The following CSMD1 variants were observed in gnomAD, a reference collection of about 807,000 sequenced individuals.
CSMD1 encodes CUB and sushi domain-containing protein 1.
A neutral mutation model predicts 417.5 loss-of-function variants in CSMD1; 213 were observed. That is an observed-to-expected ratio of 0.51 (90% CI 0.46 to 0.57). The LOEUF is 0.57. CSMD1 is among the 20% of genes least tolerant of loss of function. The pLI is 0.00. For missense variants in CSMD1, 6,923 were observed against 4,529.7 expected (o/e 1.53, Z -15.17); for synonymous variants, 2,862 against 1,736.8 (o/e 1.65, Z -16.11).
chr8:3,716,306 T>C (rs1161774253), intron 6 of CSMD1, among the ~76,000 whole-genome samples: 2 of 152,220 alleles, frequency 1.3e-5, no homozygotes, highest in East Asian at 3.9e-4. Flanking sequence ...CAGACTAAAG[T>C]GAAAGCAAGT....
chr8:3,545,571 T>C (rs1798623551), intron 10 of CSMD1, among the ~76,000 whole-genome samples: 1 of 150,982 alleles, frequency 6.6e-6, no homozygotes, highest in Admixed American at 6.6e-5. Flanking sequence ...ATGAATCCTG[T>C]CTTTACCATG....
chr8:4,874,005 G>C (rs1404811631), intron 1 of CSMD1, among the ~76,000 whole-genome samples: 1 of 152,074 alleles, frequency 6.6e-6, no homozygotes, highest in African/African-American at 2.4e-5. Flanking sequence ...CACTATATGT[G>C]TTGTAATCGC....
chr8:3,255,895 C>A (rs1046685794), intron 26 of CSMD1, among the ~76,000 whole-genome samples: 6 of 152,152 alleles, frequency 3.9e-5, no homozygotes, highest in Admixed American at 6.5e-5. Flanking sequence ...TTCCGACACT[C>A]GCCAGTGAGA....
Position 3,604,012 on chromosome 8 carries a change from C to T in CSMD1, c.1097+12698G>A, listed in dbSNP as rs374520076. Among the ~76,000 whole-genome samples the T allele has an allele frequency of 1.5e-3, 223 of 152,218 alleles. 1 individual carries two copies. Among genetic ancestry groups the T allele is most frequent in the African/African-American group, 5.0e-3 (207 of 41,522 alleles). ...CATACTGAATCAATATTTATTGTTG[C>T]CTTACAACCTGTAAATGTAAATGCA... On this transcript the variant is annotated intron_variant, in intron 8 of 69. Coordinates refer to ENST00000635120, the MANE Select transcript of CSMD1 (RefSeq NM_033225.6).
At chr8:3,528,767 C>T (rs1045960560) in intron 10 of CSMD1, among the ~76,000 whole-genome samples, 4 of 152,128 alleles carry the variant, frequency 2.6e-5, no homozygotes, top group African/African-American at 4.8e-5. Flanking sequence ...TAATTTCCTG[C>T]AAAACTGAAG....
intron 3 of CSMD1, among the ~76,000 whole-genome samples, chr8:4,306,054 T>G (rs1209138872): frequency 6.6e-6 from 1 of 152,222 alleles, no homozygotes; most frequent in Non-Finnish European, 1.5e-5. Flanking sequence ...TGCACATTAC[T>G]GGACATTTTG....
intron 7 of CSMD1, among the ~76,000 whole-genome samples, chr8:3,640,878 T>C (rs1282830976): frequency 1.3e-5 from 2 of 152,056 alleles, no homozygotes; most frequent in African/African-American, 4.8e-5. Flanking sequence ...GTTAATGATG[T>C]CAGTATCCAA....
At chr8:3,420,608 C>A (rs1462181142) in intron 12 of CSMD1, among the ~76,000 whole-genome samples, 7 of 152,040 alleles carry the variant, frequency 4.6e-5, no homozygotes, top group East Asian at 3.9e-4. Flanking sequence ...ACTTTAAAAT[C>A]AAAAATGTTA....
chr8:3,731,123 A>T (rs1304381638), intron 6 of CSMD1, among the ~76,000 whole-genome samples: 2 of 152,142 alleles, frequency 1.3e-5, no homozygotes, highest in Non-Finnish European at 2.9e-5. Context: ...CCAGAACATA[A>T]ATCTATATAT....
Position 3,151,414 on chromosome 8 carries a change from G to A in CSMD1, c.6014C>T (p.Ser2005Leu). 7 of 1,611,528 alleles carry A rather than the reference G, an allele frequency of 4.3e-6. No individual in the cohort carries two copies. Among genetic ancestry groups the A allele is most frequent in the African/African-American group, 2.7e-5 (2 of 75,030 alleles). Residue 2005 changes from serine (S) to leucine (L), a missense_variant, in exon 40 of 70, where the codon TCA becomes TTA. Physicochemically the swap from Ser to Leu is moderately radical, Grantham distance 145. Coordinates refer to ENST00000635120, the MANE Select transcript of CSMD1 (RefSeq NM_033225.6). ...TCACTTACCATAGCCGATGGGTAATGAGATCCTCCAGGTGCAGTCTAAGTT... is the reference window on the plus strand; with the variant it reads ...TCACTTACCATAGCCGATGGGTAATAAGATCCTCCAGGTGCAGTCTAAGTT... ...PNNLDCTWRISLPIGYGAHIQ... is the reference protein window; with the variant it reads ...PNNLDCTWRILLPIGYGAHIQ...
chr8:3,293,879 G>A (rs1266784807), intron 25 of CSMD1, among the ~76,000 whole-genome samples: 1 of 152,214 alleles, frequency 6.6e-6, no homozygotes, highest in Non-Finnish European at 1.5e-5. Context: ...GAGGAGCTGT[G>A]TTCCTTTGGA....
intron 57 of CSMD1, among the ~76,000 whole-genome samples, chr8:2,970,457 T>C (rs997033113): frequency 9.9e-5 from 15 of 152,180 alleles, no homozygotes; most frequent in African/African-American, 3.1e-4. Flanking sequence ...GGCTCAATTA[T>C]TGCATTTAAT....
At chr8:4,410,344 T>C (rs1796582162) in intron 3 of CSMD1, among the ~76,000 whole-genome samples, 2 of 152,196 alleles carry the variant, frequency 1.3e-5, no homozygotes, top group South Asian at 2.1e-4. Context: ...TCATAGTGAC[T>C]GGGAAACTGC....
intron 1 of CSMD1, among the ~76,000 whole-genome samples, chr8:4,829,896 T>C (rs1800050881): frequency 6.6e-6 from 1 of 152,170 alleles, no homozygotes; most frequent in African/African-American, 2.4e-5. Context: ...TGAGTCCTTA[T>C]AGGTAATGCC....
At chr8:4,816,817 G>C (rs762380293) in intron 1 of CSMD1, among the ~76,000 whole-genome samples, 10 of 152,180 alleles carry the variant, frequency 6.6e-5, no homozygotes, top group Non-Finnish European at 1.3e-4. Context: ...CACAGAGCCA[G>C]AACTGAGAGA....
At chr8:4,008,178 G>C (rs558149471) in intron 4 of CSMD1, among the ~76,000 whole-genome samples, 2 of 152,256 alleles carry the variant, frequency 1.3e-5, no homozygotes, top group Admixed American at 1.3e-4. Context: ...GGACAAATAT[G>C]AGCAAGCTAC....
chr8:3,870,996 A>G (rs1239749982), intron 5 of CSMD1, among the ~76,000 whole-genome samples: 1 of 151,498 alleles, frequency 6.6e-6, no homozygotes, highest in Non-Finnish European at 1.5e-5. Flanking sequence ...TTCTCATTCA[A>G]TGTGTTATAA....
chr8:3,432,752 G>T (rs79453809), intron 12 of CSMD1, among the ~76,000 whole-genome samples: 5,269 of 152,184 alleles, frequency 0.035, 281 homozygotes, highest in East Asian at 0.21. Flanking sequence ...TTGACCTCGT[G>T]ATCTTCCCAC....
At chr8:4,057,130 G>C (rs923445235) in intron 3 of CSMD1, among the ~76,000 whole-genome samples, 1 of 152,162 alleles carries the variant, frequency 6.6e-6, no homozygotes, top group Non-Finnish European at 1.5e-5. Context: ...CACAAGGGTT[G>C]AACTAGTTTA....
Sources: allele counts gnomAD v4.1 joint callset (sites outside exome capture counted in the v4.1 genomes callset), GRCh38; gene constraint gnomAD v4.1.1; transcripts MANE v1.5; gene names NCBI Gene and HGNC (gene_info 2026-07-23, HGNC 2026-07-21).